MAGI2: variants seen among roughly 807,000 people sequenced by gnomAD.
MAGI2 encodes the protein membrane-associated guanylate kinase, WW and PDZ domain-containing protein 2.
Under a neutral mutation model 133.3 loss-of-function variants are expected in MAGI2, and 35 were observed. The ratio of observed to expected loss-of-function variants is 0.26; its 90% CI spans 0.20 to 0.35. The LOEUF (loss-of-function observed/expected upper bound fraction) is 0.35. Among genes scored for constraint, MAGI2 ranks in the 10% least tolerant of loss-of-function variants. The pLI, the probability that MAGI2 is intolerant of heterozygous loss-of-function variation, is 1.00. For missense variants in MAGI2, 1,636 were observed against 1,863.4 expected (o/e 0.88, Z 2.25); for synonymous variants, 729 against 710.6 (o/e 1.03, Z -0.41).
intron 1 of MAGI2, among the ~76,000 whole-genome samples, chr7:79,031,573 C>T (rs1810578731): frequency 6.6e-6 from 1 of 152,070 alleles, no homozygotes; most frequent in South Asian, 2.1e-4. Flanking sequence ...GGGCAATTAG[C>T]AAGTATTCTA....
intron 1 of MAGI2, among the ~76,000 whole-genome samples, chr7:79,260,910 T>C (rs991764255): frequency 5.3e-5 from 8 of 152,184 alleles, no homozygotes; most frequent in African/African-American, 1.7e-4. Flanking sequence ...TGGTACTAAC[T>C]GAATGGGGGT....
intron 2 of MAGI2, among the ~76,000 whole-genome samples, chr7:78,741,926 T>A (rs187750648): frequency 6.6e-5 from 10 of 152,132 alleles, no homozygotes; most frequent in Admixed American, 6.5e-4. Context: ...CCTTAAATTA[T>A]AAGTTATCAC....
At chr7:78,961,722 C>T (rs570033871) in intron 2 of MAGI2, among the ~76,000 whole-genome samples, 5 of 152,166 alleles carry the variant, frequency 3.3e-5, no homozygotes, top group African/African-American at 1.2e-4. Context: ...GCTAAGCTTT[C>T]TCCTAATTCA....
intron 9 of MAGI2, among the ~76,000 whole-genome samples, chr7:78,274,990 T>G (rs1794923438): frequency 7.0e-6 from 1 of 143,250 alleles, no homozygotes; most frequent in Non-Finnish European, 1.6e-5. Context: ...TCCACTGGGG[T>G]ATGAAAAAAA....
At chr7:78,139,114 A>C (rs1822479303) in intron 16 of MAGI2, among the ~76,000 whole-genome samples, 1 of 152,230 alleles carries the variant, frequency 6.6e-6, no homozygotes, top group African/African-American at 2.4e-5. Context: ...AAAGAATGAA[A>C]ACTGAAATAA....
intron 1 of MAGI2, among the ~76,000 whole-genome samples, chr7:79,092,803 T>A (rs945783724): frequency 6.6e-6 from 1 of 152,168 alleles, no homozygotes; most frequent in Admixed American, 6.5e-5. Context: ...TATTTTTATC[T>A]CTTTTCAGGC....
chr7:79,248,737 C>T (rs1439125126), intron 1 of MAGI2, among the ~76,000 whole-genome samples: 1 of 151,750 alleles, frequency 6.6e-6, no homozygotes, highest in Non-Finnish European at 1.5e-5. Flanking sequence ...TATACAAACA[C>T]ATGGAAATTA....
At chr7:78,580,373 AC>A (rs1248060082) in intron 3 of MAGI2, among the ~76,000 whole-genome samples, 1 of 152,216 alleles carries the variant, frequency 6.6e-6, no homozygotes, top group African/African-American at 2.4e-5. Context: ...GTTCTTCTAA[AC>A]AAGGTAATGA....
Position 78,930,846 on chromosome 7 carries a change from G to A in MAGI2, c.418+76244C>T, listed in dbSNP as rs569705883. The stretch of plus-strand genomic sequence containing the variant: ...TCTGTTTCCTATTCTCCTCACTTAA[G>A]TACCCAAGGTATGAATAGTGGGGTT... On this transcript the variant is annotated intron_variant, in intron 2 of 21. Transcript: ENST00000354212. 5.3e-4 allele frequency among the ~76,000 whole-genome samples: 81 copies of A among 152,126 alleles called. 1 individual carries two copies. In the South Asian group the frequency reaches 0.015, roughly 28 times the overall value.
At chr7:79,114,353 C>A (rs1163424114) in intron 1 of MAGI2, among the ~76,000 whole-genome samples, 1 of 152,150 alleles carries the variant, frequency 6.6e-6, no homozygotes, top group African/African-American at 2.4e-5. Context: ...CTGAATGTTA[C>A]AGGCTTACCA....
chr7:79,098,754 A>G (rs1474623835), intron 1 of MAGI2, among the ~76,000 whole-genome samples: 1 of 152,194 alleles, frequency 6.6e-6, no homozygotes, highest in African/African-American at 2.4e-5. Flanking sequence ...TTTCTCAAAA[A>G]TCTGTCTGGC....
chr7:78,748,693 T>C (rs1002346682), intron 2 of MAGI2, among the ~76,000 whole-genome samples: 2 of 135,750 alleles, frequency 1.5e-5, no homozygotes, highest in African/African-American at 2.7e-5. Context: ...ATTACTCTGA[T>C]GTAAAAAAGA....
At chr7:78,442,181 A>T (rs1242539742) in intron 6 of MAGI2, among the ~76,000 whole-genome samples, 1 of 152,156 alleles carries the variant, frequency 6.6e-6, no homozygotes, top group African/African-American at 2.4e-5. Context: ...TCCCCATCTG[A>T]ACATATTCTC....
At chr7:78,223,466 G>A (rs953697277) in intron 10 of MAGI2, among the ~76,000 whole-genome samples, 5 of 152,132 alleles carry the variant, frequency 3.3e-5, no homozygotes, top group Non-Finnish European at 4.4e-5. Context: ...AAATAGTGGT[G>A]ACAGCAATCC....
intron 1 of MAGI2, among the ~76,000 whole-genome samples, chr7:79,310,887 C>G (rs992200690): frequency 6.6e-6 from 1 of 151,996 alleles, no homozygotes; most frequent in Non-Finnish European, 1.5e-5. Flanking sequence ...TCTTTGTTCT[C>G]TGATCATTAT....
At chr7:78,076,454 C>CAAA (rs55957020) in intron 21 of MAGI2, among the ~76,000 whole-genome samples, 3,821 of 90,238 alleles carry the variant, frequency 0.042, 146 homozygotes, top group African/African-American at 0.092. Flanking sequence ...GACCTTGTTT[C>CAAA]AAAAAAAAAA....
In MAGI2 at chr7:78,800,659, A is replaced by T. The variant is rs1787986689; in HGVS notation, c.419-173420T>A. On this transcript the variant is annotated intron_variant, in intron 2 of 21. Coordinates refer to ENST00000354212, the MANE Select transcript of MAGI2 (RefSeq NM_012301.4). ...CATTAAACTTTCATTTTATATTTAC[A>T]TGTGAAAGTGATGTTATAATGACAC... Among the ~76,000 whole-genome samples, 3 of 152,054 alleles carry T rather than the reference A, an allele frequency of 2.0e-5. 1 individual carries two copies. The highest frequency in any genetic ancestry group is 1.3e-4 in the Admixed American group (2 of 15,250).
chr7:78,513,163 G>T (rs924201938), intron 4 of MAGI2, among the ~76,000 whole-genome samples: 13 of 151,996 alleles, frequency 8.6e-5, no homozygotes, highest in Admixed American at 3.9e-4. Flanking sequence ...ATATAAAACA[G>T]GAGGCCACTT....
At chr7:78,823,358 T>C (rs534440653) in intron 2 of MAGI2, among the ~76,000 whole-genome samples, 2 of 151,194 alleles carry the variant, frequency 1.3e-5, no homozygotes, top group African/African-American at 4.9e-5. Flanking sequence ...CCGAGGCGGG[T>C]GGATCACGAG....
Sources: gnomAD v4.1 joint callset for allele counts (sites outside exome capture counted in the v4.1 genomes callset) on GRCh38, gnomAD v4.1.1 for gene constraint, MANE v1.5 for transcripts, NCBI Gene and HGNC (gene_info 2026-07-23, HGNC 2026-07-21) for gene names.